The following ULK4 variants were observed in gnomAD, a reference collection of about 807,000 sequenced individuals.
The protein encoded by ULK4 is unc-51 like kinase 4.
ULK4 carries 133 observed loss-of-function variants against 160.6 expected under a neutral mutation model. The ratio of observed to expected loss-of-function variants is 0.83; its 90% CI spans 0.72 to 0.96. The LOEUF (loss-of-function observed/expected upper bound fraction) is 0.96, where lower values mean the gene tolerates loss of function less well. ULK4 is among the 40% of genes least tolerant of loss of function. The pLI, the probability that ULK4 is intolerant of heterozygous loss-of-function variation, is 0.00. For synonymous variants in ULK4, 534 were observed against 539.8 expected (o/e 0.99, Z 0.15); for missense variants, 1,580 against 1,499.5 (o/e 1.05, Z -0.89).
chr3:41,409,481 C>T (rs2082367733), intron 34 of ULK4, among the ~76,000 whole-genome samples: 2 of 152,074 alleles, frequency 1.3e-5, no homozygotes, highest in Admixed American at 6.5e-5. Flanking sequence ...AAATCTGATA[C>T]CTAATAAGGG....
intron 30 of ULK4, among the ~76,000 whole-genome samples, chr3:41,658,686 G>A (rs535482002): frequency 7.0e-4 from 103 of 146,426 alleles, no homozygotes; most frequent in Non-Finnish European, 7.8e-4. Flanking sequence ...AAGAGGTCCA[G>A]AAATGGTATA....
At chr3:41,937,409 CTAAG>C in intron 3 of ULK4, 1 of 659,348 alleles carries the variant, frequency 1.5e-6, no homozygotes, top group Non-Finnish European at 2.7e-6. Flanking sequence ...TTTATAAATT[CTAAG>C]TATCAATATA....
chr3:41,746,396 G>A (rs1389471277), intron 22 of ULK4, among the ~76,000 whole-genome samples: 1 of 150,036 alleles, frequency 6.7e-6, no homozygotes, highest in East Asian at 1.9e-4. Flanking sequence ...AATTAATGAT[G>A]CAATACCATT....
At chr3:41,509,567 G>A (rs547254716) in intron 32 of ULK4, among the ~76,000 whole-genome samples, 1 of 152,204 alleles carries the variant, frequency 6.6e-6, no homozygotes, top group Admixed American at 6.5e-5. Flanking sequence ...CTTAAGAGCT[G>A]TGAGGTAAAA....
At chr3:41,435,486 G>A (rs570535163) in intron 34 of ULK4, among the ~76,000 whole-genome samples, 2 of 152,312 alleles carry the variant, frequency 1.3e-5, no homozygotes, top group South Asian at 4.1e-4. Flanking sequence ...AGGCTGACTG[G>A]TTTTACCAGA....
intron 32 of ULK4, among the ~76,000 whole-genome samples, chr3:41,475,119 G>C (rs1387962522): frequency 6.6e-6 from 1 of 152,072 alleles, no homozygotes; most frequent in Non-Finnish European, 1.5e-5. Context: ...AAAGGATAAA[G>C]AAAATGTGGT....
At chr3:41,922,461 G>A (rs932641984) in intron 5 of ULK4, among the ~76,000 whole-genome samples, 1 of 152,112 alleles carries the variant, frequency 6.6e-6, no homozygotes, top group African/African-American at 2.4e-5. Flanking sequence ...CAAGACGAAG[G>A]AAAGGGAAGG....
intron 22 of ULK4, among the ~76,000 whole-genome samples, chr3:41,729,886 C>A (rs369252006): frequency 6.6e-6 from 1 of 152,174 alleles, no homozygotes; most frequent in East Asian, 1.9e-4. Context: ...CTACTCAACA[C>A]CAAAGCCAAC....
At chr3:41,589,013 CAT>C (rs1243497504) in intron 31 of ULK4, among the ~76,000 whole-genome samples, 1 of 151,958 alleles carries the variant, frequency 6.6e-6, no homozygotes, top group Non-Finnish European at 1.5e-5. Context: ...GAGAATGAGA[CAT>C]GTCATAAAAT....
intron 32 of ULK4, among the ~76,000 whole-genome samples, chr3:41,535,140 A>G (rs1314755999): frequency 6.6e-6 from 1 of 152,210 alleles, no homozygotes. Flanking sequence ...GTACTGGTGC[A>G]TAAGAGCACT....
At chr3:41,913,241 T>C (rs1162437385) in intron 8 of ULK4, 1 of 106,050 alleles carries the variant, frequency 9.4e-6, no homozygotes, top group African/African-American at 3.1e-5. Context: ...TTTTTTTTTT[T>C]TTGAGACGGA....
intron 17 of ULK4, among the ~76,000 whole-genome samples, chr3:41,876,844 T>G (rs1289406298): frequency 6.6e-6 from 1 of 152,156 alleles, no homozygotes; most frequent in Non-Finnish European, 1.5e-5. Context: ...GTAACTTCCT[T>G]TGGCACAAAG....
intron 27 of ULK4, among the ~76,000 whole-genome samples, chr3:41,703,746 TA>T (rs1318858813): frequency 6.7e-6 from 1 of 150,364 alleles, no homozygotes; most frequent in East Asian, 2.0e-4. Flanking sequence ...AAATCTGTCT[TA>T]AAAAAAAACC....
At chr3:41,860,718 A>T (rs1419610582) in intron 17 of ULK4, among the ~76,000 whole-genome samples, 1 of 152,138 alleles carries the variant, frequency 6.6e-6, no homozygotes, top group African/African-American at 2.4e-5. Context: ...TTTACATTCA[A>T]TGTTATTATT....
intron 17 of ULK4, among the ~76,000 whole-genome samples, chr3:41,862,106 C>T (rs570404805): frequency 4.6e-5 from 7 of 152,246 alleles, no homozygotes; most frequent in African/African-American, 1.7e-4. Flanking sequence ...TGCACCCAGC[C>T]TGGGTATTTT....
At chr3:41,584,425 G>A (rs2030631215) in intron 31 of ULK4, among the ~76,000 whole-genome samples, 1 of 151,964 alleles carries the variant, frequency 6.6e-6, no homozygotes, top group African/African-American at 2.4e-5. Flanking sequence ...CCAAGTAGCT[G>A]GTACCATAGG....
intron 23 of ULK4, among the ~76,000 whole-genome samples, chr3:41,716,216 AAATAATAATAATAATAAT>A (rs61340837): frequency 1.1e-4 from 16 of 139,258 alleles, no homozygotes; most frequent in Non-Finnish European, 1.8e-4. Context: ...CTGTCTCACA[AAATAATAATAATAATAAT>A]AATAATAATA....
intron 35 of ULK4, among the ~76,000 whole-genome samples, chr3:41,365,116 C>A (rs1366571294): frequency 6.6e-6 from 1 of 152,206 alleles, no homozygotes; most frequent in Non-Finnish European, 1.5e-5. Context: ...ATTTTTACTA[C>A]ACTCAGGATT....
chr3:41,387,149 T>C (rs2081833189), intron 35 of ULK4, among the ~76,000 whole-genome samples: 1 of 152,120 alleles, frequency 6.6e-6, no homozygotes, highest in African/African-American at 2.4e-5. Context: ...CACAGTAAGG[T>C]TTCGATACAT....
Sources: gnomAD v4.1 joint callset for allele counts (sites outside exome capture counted in the v4.1 genomes callset) on GRCh38, gnomAD v4.1.1 for gene constraint, MANE v1.5 for transcripts, NCBI Gene and HGNC (gene_info 2026-07-23, HGNC 2026-07-21) for gene names.